Variants in GNAO1 observed in about 807,000 individuals in gnomAD.
GNAO1 encodes guanine nucleotide-binding protein G(o) subunit alpha.
For synonymous variants in GNAO1, 164 were observed against 180.7 expected (o/e 0.91, Z 0.74); for missense variants, 166 against 478.7 (o/e 0.35, Z 6.10).
At position 56,249,859 on chromosome 16, in the gene GNAO1, G is replaced by A. The variant is rs762149989; in HGVS notation, c.162-26072G>A. 2.6e-5 allele frequency among the ~76,000 whole-genome samples: 4 copies of A among 152,288 alleles called. No homozygotes were observed. In the South Asian group the frequency reaches 8.3e-4, roughly 32 times the overall value. ...GCCCTGCTGGGAGACTGGCCCTTAC[G>A]CTGGACAGATTTAGCCCTCATTGCA... is the stretch of plus-strand genomic sequence containing the variant. On this transcript the variant is annotated intron_variant, in intron 2 of 8. Transcript: ENST00000262493.
chr16:56,348,130 T>A, intron 6 of GNAO1: 1 of 966,144 alleles, frequency 1.0e-6, no homozygotes, highest in Non-Finnish European at 1.2e-6. Flanking sequence ...CTAGTTATTG[T>A]AATAATTTAT....
chr16:56,211,691 C>G (rs1260046910), intron 2 of GNAO1, among the ~76,000 whole-genome samples: 1 of 152,150 alleles, frequency 6.6e-6, no homozygotes, highest in African/African-American at 2.4e-5. Flanking sequence ...CTTGAAAATG[C>G]GGTTGAGGTT....
At chr16:56,280,561 C>T (rs2037104283) in intron 3 of GNAO1, among the ~76,000 whole-genome samples, 1 of 151,734 alleles carries the variant, frequency 6.6e-6, no homozygotes, top group African/African-American at 2.4e-5. Flanking sequence ...ATGATGATGG[C>T]ATGTGCAGAG....
chr16:56,319,681 G>T (rs144055115), intron 3 of GNAO1, among the ~76,000 whole-genome samples: 1 of 152,102 alleles, frequency 6.6e-6, no homozygotes, highest in Non-Finnish European at 1.5e-5. Context: ...CAGGATAAGG[G>T]ACCCCCTGTG....
At chr16:56,226,617 G>C (rs1385657414) in intron 2 of GNAO1, 1 of 152,060 alleles carries the variant, frequency 6.6e-6, no homozygotes, top group African/African-American at 2.4e-5. Flanking sequence ...GGCAGTGGCA[G>C]GAAAAAATGG....
At chr16:56,345,255 C>G (rs994581589) in intron 6 of GNAO1, 2 of 985,536 alleles carry the variant, frequency 2.0e-6, no homozygotes, top group East Asian at 2.3e-4. Context: ...CCAGGCCAGT[C>G]GTGTGCTTGT....
intron 2 of GNAO1, among the ~76,000 whole-genome samples, chr16:56,262,346 CTTT>C (rs1368344683): frequency 6.6e-6 from 1 of 152,178 alleles, no homozygotes; most frequent in Non-Finnish European, 1.5e-5. Flanking sequence ...ATGACAGAGC[CTTT>C]TGGACTTGCC....
At chr16:56,350,519 G>A (rs1306688857) in intron 6 of GNAO1, among the ~76,000 whole-genome samples, 3 of 152,196 alleles carry the variant, frequency 2.0e-5, no homozygotes, top group African/African-American at 4.8e-5. Context: ...GCCCCCGTTC[G>A]GCATCTGTGG....
intron 6 of GNAO1, among the ~76,000 whole-genome samples, chr16:56,348,738 G>A (rs963697644): frequency 6.6e-6 from 1 of 152,210 alleles, no homozygotes; most frequent in Non-Finnish European, 1.5e-5. Flanking sequence ...GGCCTGGGGG[G>A]CTGGCAGGGG....
At chr16:56,328,564 C>A in intron 3 of GNAO1, 67 bp from the exon 4 acceptor site, 1 of 1,528,904 alleles carries the variant, frequency 6.5e-7, no homozygotes, top group South Asian at 1.2e-5. Flanking sequence ...AGGGGAGAGC[C>A]CTTGGCTGGC....
intron 2 of GNAO1, 38 bp from the exon 3 acceptor site, chr16:56,275,893 T>C: frequency 1.9e-6 from 3 of 1,581,000 alleles, no homozygotes; most frequent in South Asian, 1.2e-5. Flanking sequence ...ATGAGGACAA[T>C]GCTCTCATCA....
chr16:56,345,416 C>T, intron 6 of GNAO1: 1 of 985,862 alleles, frequency 1.0e-6, no homozygotes, highest in Non-Finnish European at 1.2e-6. Context: ...CCCTGGGTTT[C>T]CACTTGCAGC....
intron 3 of GNAO1, among the ~76,000 whole-genome samples, chr16:56,320,814 C>G (rs531157314): frequency 6.6e-6 from 1 of 152,306 alleles, no homozygotes; most frequent in Non-Finnish European, 1.5e-5. Flanking sequence ...TGTAGCTGGG[C>G]CTTAGAACCA....
At chr16:56,297,046 T>C (rs2037293882) in intron 3 of GNAO1, among the ~76,000 whole-genome samples, 5 of 152,168 alleles carry the variant, frequency 3.3e-5, no homozygotes, top group Admixed American at 2.0e-4. Flanking sequence ...AAAGTACTAA[T>C]ACTCCTGGAA....
chr16:56,299,653 C>T (rs2037322318), intron 3 of GNAO1, among the ~76,000 whole-genome samples: 1 of 152,212 alleles, frequency 6.6e-6, no homozygotes, highest in Non-Finnish European at 1.5e-5. Context: ...CTCCTGATCA[C>T]TGAAACCTCA....
At chr16:56,324,462 C>T (rs2037610051) in intron 3 of GNAO1, among the ~76,000 whole-genome samples, 1 of 152,228 alleles carries the variant, frequency 6.6e-6, no homozygotes, top group South Asian at 2.1e-4. Context: ...CTTGCCAGGT[C>T]CACCACCCGC....
chr16:56,328,660 G>A lies in GNAO1; in HGVS notation c.333G>A (p.Val111=), dbSNP rs61758988. 3.6e-5 allele frequency: 58 copies of A among 1,614,114 alleles called. No homozygotes were observed. The highest frequency in any genetic ancestry group is 4.7e-5 in the Non-Finnish European group (56 of 1,180,022). ...ACGCCAAGATGGTGTGTGATGTGGT[G>A]AGTCGGATGGAAGACACCGAGCCCT... The part of the protein sequence containing the change: ...KADAKMVCDV[V]SRMEDTEPFS... Residue 111 remains valine, a synonymous_variant, in exon 4 of 9, where the codon GTG becomes GTA. Transcript: ENST00000262493.
intron 2 of GNAO1, among the ~76,000 whole-genome samples, chr16:56,263,875 G>A (rs2036927436): frequency 6.6e-6 from 1 of 152,238 alleles, no homozygotes; most frequent in African/African-American, 2.4e-5. Flanking sequence ...CAGAGTCCCA[G>A]TGGCTTGTCC....
chr16:56,344,409 G>A, intron 6 of GNAO1: 1 of 1,010,926 alleles, frequency 9.9e-7, no homozygotes, highest in Non-Finnish European at 1.2e-6. Context: ...CTGGTGGAGG[G>A]CAGTTCCGTC....
Sources: gnomAD v4.1 joint callset for allele counts (sites outside exome capture counted in the v4.1 genomes callset) on GRCh38, gnomAD v4.1.1 for gene constraint, MANE v1.5 for transcripts, NCBI Gene and HGNC (gene_info 2026-07-23, HGNC 2026-07-21) for gene names.